Variants in STARD9 observed in about 807,000 individuals in gnomAD.
STARD9 encodes StAR related lipid transfer domain containing 9.
STARD9 carries 346 observed loss-of-function variants against 399.8 expected under a neutral mutation model. The ratio of observed to expected loss-of-function variants is 0.87; its 90% CI spans 0.79 to 0.95. STARD9 has a LOEUF of 0.95. STARD9 is among the 40% of genes least tolerant of loss of function. The pLI, the probability that STARD9 is intolerant of heterozygous loss-of-function variation, is 0.00. For missense variants in STARD9, 5,832 were observed against 5,667.5 expected, an observed-to-expected ratio of 1.03 and a Z score of -0.93; for synonymous variants, 2,203 against 2,143.5, an observed-to-expected ratio of 1.03 and a Z score of -0.77.
At chr15:42,679,610 T>TA (rs1456265508) in intron 20 of STARD9, among the ~76,000 whole-genome samples, 1 of 152,216 alleles carries the variant, frequency 6.6e-6, no homozygotes, top group East Asian at 1.9e-4. Context: ...GGCTGCGTTA[T>TA]GAAATCTTAA....
chr15:42,588,114 G>T (rs554039449), intron 3 of STARD9, among the ~76,000 whole-genome samples: 2 of 152,292 alleles, frequency 1.3e-5, no homozygotes, highest in Non-Finnish European at 2.9e-5. Context: ...TGGCATACGT[G>T]TGGCTGTTCT....
At chr15:42,680,855 G>T (rs7169202) in intron 20 of STARD9, among the ~76,000 whole-genome samples, 1 of 151,942 alleles carries the variant, frequency 6.6e-6, no homozygotes, top group Admixed American at 6.5e-5. Flanking sequence ...AAACAGCTCT[G>T]GAGTGGAGAC....
chr15:42,642,865 C>T (rs1043721592), intron 7 of STARD9, among the ~76,000 whole-genome samples: 3 of 152,108 alleles, frequency 2.0e-5, no homozygotes, highest in Admixed American at 6.5e-5. Flanking sequence ...GTGGCACGAT[C>T]GTGACTCACT....
At chr15:42,610,689 G>A (rs1262607740) in intron 3 of STARD9, among the ~76,000 whole-genome samples, 1 of 152,182 alleles carries the variant, frequency 6.6e-6, no homozygotes, top group Non-Finnish European at 1.5e-5. Context: ...TGGGATTACA[G>A]GCACCCGCCA....
chr15:42,607,997 AC>A (rs985243309), intron 3 of STARD9, among the ~76,000 whole-genome samples: 1 of 150,186 alleles, frequency 6.7e-6, no homozygotes, highest in African/African-American at 2.5e-5. Context: ...GCTCACCCCC[AC>A]CCCCCGCAGG....
At chr15:42,703,772 T>C (rs1002018211) in intron 26 of STARD9, among the ~76,000 whole-genome samples, 1 of 152,132 alleles carries the variant, frequency 6.6e-6, no homozygotes, top group Non-Finnish European at 1.5e-5. Flanking sequence ...AAATATCCTG[T>C]CTTTGAGCTC....
intron 15 of STARD9, among the ~76,000 whole-genome samples, chr15:42,667,625 C>A (rs1334335923): frequency 6.6e-6 from 1 of 151,970 alleles, no homozygotes; most frequent in African/African-American, 2.4e-5. Context: ...ATTACAGGCA[C>A]CCACTGCCAC....
At position 42,697,879 on chromosome 15, in the gene STARD9, A is replaced by C. The variant is rs557720612; in HGVS notation, c.13284+1999A>C. On this transcript the variant is annotated intron_variant, in intron 26 of 32. Coordinates refer to ENST00000290607, the MANE Select transcript of STARD9 (RefSeq NM_020759.3). ...AAGGGGTACTCAACCTGTAAAAGGG[A>C]TACAGGGAAATACCCATCCCCGCCC... is the stretch of plus-strand genomic sequence containing the variant. Among the ~76,000 whole-genome samples, 20 of 152,286 alleles carry C rather than the reference A, an allele frequency of 1.3e-4. No homozygotes were observed. In the East Asian group the frequency reaches 3.3e-3, roughly 25 times the overall value.
chr15:42,587,608 C>G (rs1186869481), intron 3 of STARD9, among the ~76,000 whole-genome samples: 1 of 151,986 alleles, frequency 6.6e-6, no homozygotes, highest in Non-Finnish European at 1.5e-5. Flanking sequence ...CTCTTGTTGC[C>G]CAGCCTGGAG....
Position 42,674,366 on chromosome 15 carries a change from T to C in STARD9, c.1498-74T>C, listed in dbSNP as rs115330862. Reference sequence around the variant, plus strand: ...GGCTGGGAAGACAGTGAGAATATTCTAATGTGGACTCTCCTGTAGGGCAAG... The same window carrying C: ...GGCTGGGAAGACAGTGAGAATATTCCAATGTGGACTCTCCTGTAGGGCAAG... On this transcript the variant is annotated intron_variant, in intron 16 of 32. Coordinates refer to ENST00000290607, the MANE Select transcript of STARD9 (RefSeq NM_020759.3). 1,166 of 1,174,922 alleles carry C rather than the reference T, an allele frequency of 9.9e-4. 12 individuals are homozygous for C. In the African/African-American group the frequency reaches 0.016, roughly 16 times the overall value. 72.8% of individuals were successfully genotyped at this position (1,174,922 alleles called of 1,614,324 possible).
chr15:42,665,938 G>A, intron 15 of STARD9, 90 bp downstream of exon 15: 2 of 1,031,002 alleles, frequency 1.9e-6, no homozygotes, highest in Non-Finnish European at 2.9e-6. Context: ...TCCCTTGGCA[G>A]GGCAGAGAAG....
Position 42,692,800 on chromosome 15 carries a change from C to G in STARD9, c.11222C>G (p.Thr3741Ser). Residue 3741 changes from threonine to serine, a missense_variant, in exon 23 of 33, where the codon ACC becomes AGC. Physicochemically the swap from Thr to Ser is moderately conservative, Grantham distance 58. This residue lies in a region of STARD9 where 5,828 missense variants were observed against 5,651.1 expected (regional missense o/e 1.03). Transcript: ENST00000290607. ...TVDEGSQTDLTLPTLCLQTSE... is the reference protein window; with the variant it reads ...TVDEGSQTDLSLPTLCLQTSE... ...GATGAGGGCAGCCAGACTGACCTCA[C>G]CTTACCCACCCTGTGCCTCCAGACT... 2 of 1,537,204 alleles carry G rather than the reference C, an allele frequency of 1.3e-6. No individual in the cohort carries two copies. Among genetic ancestry groups the G allele is most frequent in the Non-Finnish European group, 1.7e-6 (2 of 1,146,906 alleles).
chr15:42,662,179 T>C (rs1442589351), intron 10 of STARD9, among the ~76,000 whole-genome samples: 4 of 152,128 alleles, frequency 2.6e-5, no homozygotes, highest in Non-Finnish European at 5.9e-5. Context: ...TACTGCCTTG[T>C]AGGTATTAGA....
At chr15:42,660,755 G>T (rs1595724704) in intron 9 of STARD9, among the ~76,000 whole-genome samples, 1 of 152,120 alleles carries the variant, frequency 6.6e-6, no homozygotes, top group East Asian at 1.9e-4. Context: ...TGTGACTGAG[G>T]TTAGGAAGAG....
intron 4 of STARD9, among the ~76,000 whole-genome samples, chr15:42,635,947 A>G (rs1049999426): frequency 6.6e-6 from 1 of 152,172 alleles, no homozygotes; most frequent in African/African-American, 2.4e-5. Flanking sequence ...TTATCACAGA[A>G]AATCAGGAGG....
At chr15:42,719,013 C>A in intron 32 of STARD9, 103 bp downstream of exon 32, 1 of 1,110,250 alleles carries the variant, frequency 9.0e-7, no homozygotes, top group Non-Finnish European at 1.3e-6. Flanking sequence ...AGTGCCCAGG[C>A]CCTTTGGCCT....
At chr15:42,595,711 T>C (rs769151302) in intron 3 of STARD9, among the ~76,000 whole-genome samples, 6 of 152,176 alleles carry the variant, frequency 3.9e-5, no homozygotes, top group Non-Finnish European at 5.9e-5. Context: ...ATTCCATCAC[T>C]AGTGCTGGTT....
chr15:42,671,823 GTAGA>G (rs1566921983), intron 16 of STARD9: 1 of 152,172 alleles, frequency 6.6e-6, no homozygotes, highest in Non-Finnish European at 1.5e-5. Context: ...TGTGTTTTTA[GTAGA>G]GACGGGGATT....
intron 10 of STARD9, 58 bp downstream of exon 10, chr15:42,661,283 A>AAT: frequency 8.5e-7 from 1 of 1,175,736 alleles, no homozygotes; most frequent in Non-Finnish European, 1.2e-6. Flanking sequence ...TTTTACAGGG[A>AAT]ATAAGCTGTT....
Sources: gnomAD v4.1 joint callset for allele counts (sites outside exome capture counted in the v4.1 genomes callset) on GRCh38, gnomAD v4.1.1 for gene constraint, gnomAD v4.1.1 regional missense constraint, MANE v1.5 for transcripts, NCBI Gene and HGNC (gene_info 2026-07-23, HGNC 2026-07-21) for gene names.